Variants in MARK1 observed in about 807,000 individuals in gnomAD.
MARK1 encodes microtubule affinity regulating kinase 1, also known as serine/threonine-protein kinase MARK1.
Under a neutral mutation model 96.3 loss-of-function variants are expected in MARK1, and 40 were observed. The ratio of observed to expected loss-of-function variants is 0.42; its 90% CI spans 0.32 to 0.54. The LOEUF is 0.54. MARK1 is among the 20% of genes least tolerant of loss of function. The probability of loss-of-function intolerance (pLI) is 0.16; values close to 1 mark genes in which losing one functional copy is unlikely to be tolerated. For synonymous variants in MARK1, 317 were observed against 341.2 expected, an observed-to-expected ratio of 0.93 and a Z score of 0.78; for missense variants, 719 against 984.6, an observed-to-expected ratio of 0.73 and a Z score of 3.61.
chr1:220,551,884 G>C (rs1027904805), intron 1 of MARK1, among the ~76,000 whole-genome samples: 1 of 152,138 alleles, frequency 6.6e-6, no homozygotes, highest in African/African-American at 2.4e-5. Context: ...CTTCAGCTGA[G>C]TTTTGTTCTT....
chr1:220,577,319 T>C (rs899769642), intron 1 of MARK1, among the ~76,000 whole-genome samples: 1 of 152,172 alleles, frequency 6.6e-6, no homozygotes, highest in Admixed American at 6.5e-5. Flanking sequence ...CAGCATTCCC[T>C]GCAGAACAAG....
chr1:220,534,006 T>C (rs2102690112), intron 1 of MARK1, among the ~76,000 whole-genome samples: 1 of 152,256 alleles, frequency 6.6e-6, no homozygotes, highest in South Asian at 2.1e-4. Flanking sequence ...ACCTATCTGT[T>C]GAATTTTTTT....
intron 9 of MARK1, among the ~76,000 whole-genome samples, 154 bp from the exon 10 acceptor site, chr1:220,630,881 A>T (rs562433654): frequency 6.6e-6 from 1 of 152,254 alleles, no homozygotes; most frequent in East Asian, 1.9e-4. Context: ...GTGTGTCCCA[A>T]AGTCTTACAC....
At chr1:220,625,206 C>T (rs1452872632) in intron 9 of MARK1, among the ~76,000 whole-genome samples, 1 of 152,220 alleles carries the variant, frequency 6.6e-6, no homozygotes, top group Non-Finnish European at 1.5e-5. Context: ...TAAACCTCTA[C>T]ACAACTAACT....
intron 1 of MARK1, among the ~76,000 whole-genome samples, chr1:220,547,826 A>C (rs148826356): frequency 0.022 from 3,420 of 152,294 alleles, 81 homozygotes; most frequent in Admixed American, 0.064. Flanking sequence ...TCAGCCTCCC[A>C]AAGTGCTGGG....
At chr1:220,644,603 T>G (rs944386796) in intron 13 of MARK1, among the ~76,000 whole-genome samples, 15 of 151,912 alleles carry the variant, frequency 9.9e-5, no homozygotes, top group Admixed American at 2.6e-4. Flanking sequence ...TGCAGAACTC[T>G]CCACCCCAGA....
intron 1 of MARK1, among the ~76,000 whole-genome samples, chr1:220,545,315 G>A (rs1230749416): frequency 1.3e-5 from 2 of 152,152 alleles, no homozygotes; most frequent in South Asian, 2.1e-4. Context: ...CCTGGAGGCC[G>A]CAGAAGCTCT....
intron 15 of MARK1, among the ~76,000 whole-genome samples, chr1:220,652,703 G>A (rs1052685724): frequency 2.0e-5 from 3 of 152,200 alleles, no homozygotes; most frequent in Non-Finnish European, 2.9e-5. Flanking sequence ...GTGGTGCCAT[G>A]TGGTATTGTA....
In MARK1 at chr1:220,662,490, A is replaced by G. The variant is rs369020074; in HGVS notation, c.*324A>G. ...TGTCTAGATTTCTGCACCTGAATGT[A>G]TGTTTGATGCTTTGATTTGAAAATG... On this transcript the variant is annotated 3_prime_UTR_variant, in exon 18 of 18. Transcript: ENST00000366917. 1.9e-3 allele frequency: 405 copies of G among 211,824 alleles called. 14 individuals carry two copies. In the South Asian group the frequency reaches 0.054, roughly 28 times the overall value. 13.1% of individuals were successfully genotyped at this position (211,824 alleles called of 1,614,324 possible). A position where few individuals can be genotyped will look rare whatever the true frequency, so the allele number is the denominator to read the frequency against.
intron 2 of MARK1, among the ~76,000 whole-genome samples, chr1:220,580,801 G>A (rs1209443443): frequency 6.6e-6 from 1 of 152,176 alleles, no homozygotes; most frequent in South Asian, 2.1e-4. Context: ...GATACAGGAT[G>A]ATTTTTACTT....
In MARK1 at chr1:220,539,225, T is replaced by A. The variant is rs540389076; in HGVS notation, c.51+10352T>A. Among the ~76,000 whole-genome samples, 13 of 152,250 alleles carry A rather than the reference T, an allele frequency of 8.5e-5. No individual in the cohort carries two copies. The South Asian group carries it at 2.3e-3, about 27-fold the overall frequency. On this transcript the variant is annotated intron_variant, in intron 1 of 17. Transcript: ENST00000366917. ...TGGGTTTGTCATAGATAGCTCTTAT[T>A]ATTTTGAGATATGTCCCATCAATAC... is the stretch of plus-strand genomic sequence containing the variant.
intron 13 of MARK1, among the ~76,000 whole-genome samples, chr1:220,641,753 T>C (rs1474572468): frequency 9.2e-6 from 1 of 108,562 alleles, no homozygotes. Flanking sequence ...GTGATTGGTG[T>C]AACCCAAGAA....
chr1:220,539,774 G>A (rs368489237), intron 1 of MARK1, among the ~76,000 whole-genome samples: 33 of 146,452 alleles, frequency 2.3e-4, no homozygotes, highest in Non-Finnish European at 2.6e-4. Context: ...GAATTGCTAG[G>A]TTTTTTTTTT....
chr1:220,529,341 T>G (rs1470161327), intron 1 of MARK1, among the ~76,000 whole-genome samples: 1 of 152,238 alleles, frequency 6.6e-6, no homozygotes, highest in Non-Finnish European at 1.5e-5. Context: ...CCCATGACTT[T>G]GCTTTTTGTA....
intron 1 of MARK1, among the ~76,000 whole-genome samples, chr1:220,562,769 T>G (rs1459576472): frequency 1.3e-5 from 2 of 152,256 alleles, no homozygotes; most frequent in Non-Finnish European, 2.9e-5. Context: ...TCCTATATAC[T>G]TTAAAGCATC....
At chr1:220,582,492 A>G (rs182163796) in intron 3 of MARK1, among the ~76,000 whole-genome samples, 11 of 152,342 alleles carry the variant, frequency 7.2e-5, no homozygotes, top group African/African-American at 2.6e-4. Flanking sequence ...AAAATGCACA[A>G]ACTGGGTAAT....
intron 6 of MARK1, among the ~76,000 whole-genome samples, chr1:220,606,793 T>G (rs984719679): frequency 2.0e-5 from 3 of 152,136 alleles, no homozygotes; most frequent in African/African-American, 7.2e-5. Context: ...TTTCCCCATT[T>G]CTTGTTTTTG....
chr1:220,538,261 G>A (rs1660867432), intron 1 of MARK1, among the ~76,000 whole-genome samples: 1 of 152,130 alleles, frequency 6.6e-6, no homozygotes, highest in East Asian at 1.9e-4. Context: ...AGTATAAGGT[G>A]TAAGGAAGGG....
intron 3 of MARK1, among the ~76,000 whole-genome samples, chr1:220,584,990 G>T (rs1378951515): frequency 6.6e-6 from 1 of 152,072 alleles, no homozygotes; most frequent in Non-Finnish European, 1.5e-5. Flanking sequence ...GAACAATTTG[G>T]CCAGTTCTTA....
Sources: allele counts gnomAD v4.1 joint callset (sites outside exome capture counted in the v4.1 genomes callset), GRCh38; gene constraint gnomAD v4.1.1; transcripts MANE v1.5; gene names NCBI Gene and HGNC (gene_info 2026-07-23, HGNC 2026-07-21).